KCNMA1: variants seen among roughly 807,000 people sequenced by gnomAD.
The protein encoded by KCNMA1 is potassium calcium-activated channel subfamily M alpha 1.
In KCNMA1, 29 loss-of-function variants were observed where a neutral mutation model predicts 140.0. The observed-to-expected ratio is 0.21, with a 90% confidence interval of 0.15 to 0.28. KCNMA1 has a LOEUF of 0.28. KCNMA1 is among the 10% of genes least tolerant of loss of function. The pLI is 1.00. For synonymous variants in KCNMA1, 612 were observed against 611.9 expected (o/e 1.00, Z 0.00); for missense variants, 880 against 1,602.2 (o/e 0.55, Z 7.70).
chr10:77,001,903 C>T (rs925018906), intron 18 of KCNMA1, among the ~76,000 whole-genome samples: 1 of 152,106 alleles, frequency 6.6e-6, no homozygotes. Flanking sequence ...AGCAAATTAT[C>T]GACAGCAAAA....
At chr10:77,051,749 T>G (rs147400493) in intron 14 of KCNMA1, among the ~76,000 whole-genome samples, 295 of 152,270 alleles carry the variant, frequency 1.9e-3, no homozygotes, top group African/African-American at 6.8e-3. Context: ...CATGTGCTCC[T>G]GAGCCAAGGA....
chr10:77,412,704 C>T (rs1452163942), intron 1 of KCNMA1, among the ~76,000 whole-genome samples: 2 of 152,214 alleles, frequency 1.3e-5, no homozygotes, highest in Non-Finnish European at 2.9e-5. Context: ...GCCCCGGACC[C>T]CGCGGAAATA....
chr10:77,363,530 T>G (rs962626842), intron 2 of KCNMA1, among the ~76,000 whole-genome samples: 2 of 152,240 alleles, frequency 1.3e-5, no homozygotes, highest in African/African-American at 4.8e-5. Context: ...CTAGTCCTAG[T>G]AAATAGAATT....
intron 16 of KCNMA1, among the ~76,000 whole-genome samples, chr10:77,022,708 A>C (rs1593928411): frequency 6.6e-6 from 1 of 152,224 alleles, no homozygotes; most frequent in Non-Finnish European, 1.5e-5. Flanking sequence ...TGAATAAAAA[A>C]AATAAGTTTT....
chr10:77,490,696 T>C (rs1403785160), intron 1 of KCNMA1, among the ~76,000 whole-genome samples: 1 of 152,228 alleles, frequency 6.6e-6, no homozygotes, highest in Non-Finnish European at 1.5e-5. Flanking sequence ...TCACAGACTC[T>C]GCCTGTGCTC....
At chr10:77,506,584 A>AGTGTGTGTGT (rs1373201126) in intron 1 of KCNMA1, among the ~76,000 whole-genome samples, 50 of 107,546 alleles carry the variant, frequency 4.6e-4, no homozygotes, top group African/African-American at 2.5e-3. Context: ...AGAGAGAGAG[A>AGTGTGTGTGT]GAGAGAGAGA....
intron 2 of KCNMA1, among the ~76,000 whole-genome samples, chr10:77,258,029 G>T (rs913528543): frequency 1.3e-5 from 2 of 152,206 alleles, no homozygotes; most frequent in African/African-American, 4.8e-5. Flanking sequence ...AGACCTGGGT[G>T]TGAATCTCCA....
intron 1 of KCNMA1, among the ~76,000 whole-genome samples, chr10:77,510,226 T>C (rs545734691): frequency 6.6e-6 from 1 of 152,090 alleles, no homozygotes; most frequent in African/African-American, 2.4e-5. Context: ...TGGGTGATGG[T>C]ATCAGGTTCA....
intron 19 of KCNMA1, among the ~76,000 whole-genome samples, chr10:76,990,130 A>T (rs939741299): frequency 6.6e-6 from 1 of 152,228 alleles, no homozygotes; most frequent in Non-Finnish European, 1.5e-5. Flanking sequence ...TCAAAGTCAC[A>T]TGGTAGTAGG....
At chr10:76,994,867 G>C (rs906950496) in intron 19 of KCNMA1, among the ~76,000 whole-genome samples, 1 of 152,190 alleles carries the variant, frequency 6.6e-6, no homozygotes, top group Admixed American at 6.5e-5. Flanking sequence ...CAACTGAAAT[G>C]ATGGGCACCA....
intron 5 of KCNMA1, among the ~76,000 whole-genome samples, chr10:77,171,481 A>C (rs956069847): frequency 6.6e-6 from 1 of 150,966 alleles, no homozygotes; most frequent in Non-Finnish European, 1.5e-5. Context: ...CCTCTGGTTT[A>C]AGAACCACCA....
chr10:77,301,685 T>C lies in KCNMA1; in HGVS notation c.541-50429A>G, dbSNP rs79442488. Among the ~76,000 whole-genome samples, 6 of 152,096 alleles carry C rather than the reference T, an allele frequency of 3.9e-5. No individual in the cohort carries two copies. The East Asian group carries it at 1.2e-3, about 29-fold the overall frequency. ...GGAGAATTAGTGAGTTGGCTTCAACTGCACTTCAATTGACGCCCCGGAGGT... is the reference window on the plus strand; with the variant it reads ...GGAGAATTAGTGAGTTGGCTTCAACCGCACTTCAATTGACGCCCCGGAGGT... On this transcript the variant is annotated intron_variant, in intron 2 of 27. Coordinates refer to ENST00000286628, the MANE Select transcript of KCNMA1 (RefSeq NM_001161352.2).
chr10:77,211,802 C>A (rs182267879), intron 3 of KCNMA1, among the ~76,000 whole-genome samples: 1 of 152,258 alleles, frequency 6.6e-6, no homozygotes, highest in Admixed American at 6.5e-5. Flanking sequence ...TGAAATGACA[C>A]TTCTCAAAAG....
At chr10:76,940,866 C>A (rs1388069729) in intron 23 of KCNMA1, among the ~76,000 whole-genome samples, 1 of 150,796 alleles carries the variant, frequency 6.6e-6, no homozygotes, top group Non-Finnish European at 1.5e-5. Flanking sequence ...GAGGCTGAGG[C>A]AGGAGAATCA....
intron 16 of KCNMA1, chr10:77,021,207 T>G (rs1319575760): frequency 6.6e-6 from 1 of 152,212 alleles, no homozygotes; most frequent in Non-Finnish European, 1.5e-5. Flanking sequence ...TTCCATGCAC[T>G]GGCTTTGCAA....
chr10:77,169,858 C>T (rs1420928168), intron 5 of KCNMA1, among the ~76,000 whole-genome samples: 1 of 152,178 alleles, frequency 6.6e-6, no homozygotes, highest in African/African-American at 2.4e-5. Context: ...AGTGTCACCA[C>T]ACTAGTGTTT....
intron 3 of KCNMA1, among the ~76,000 whole-genome samples, chr10:77,232,741 T>C (rs892079536): frequency 6.6e-6 from 1 of 152,214 alleles, no homozygotes; most frequent in East Asian, 1.9e-4. Context: ...CTAAATCCAA[T>C]GTCACAAAGG....
intron 14 of KCNMA1, among the ~76,000 whole-genome samples, chr10:77,065,336 C>T (rs920037528): frequency 6.6e-6 from 1 of 152,052 alleles, no homozygotes; most frequent in African/African-American, 2.4e-5. Flanking sequence ...TCCTAAAATG[C>T]AATTCTGTTT....
At chr10:76,917,484 G>A (rs182631365) in intron 23 of KCNMA1, among the ~76,000 whole-genome samples, 1 of 152,158 alleles carries the variant, frequency 6.6e-6, no homozygotes, top group East Asian at 1.9e-4. Flanking sequence ...CAATTCCTTT[G>A]CATGAAACCT....
Sources: gnomAD v4.1 joint callset for allele counts (sites outside exome capture counted in the v4.1 genomes callset) on GRCh38, gnomAD v4.1.1 for gene constraint, MANE v1.5 for transcripts, NCBI Gene and HGNC (gene_info 2026-07-23, HGNC 2026-07-21) for gene names.